HIPK1: variants seen among roughly 807,000 people sequenced by gnomAD.
HIPK1 encodes the protein homeodomain-interacting protein kinase 1.
In HIPK1, 28 loss-of-function variants were observed where a neutral mutation model predicts 117.1. That is an observed-to-expected ratio of 0.24 (90% CI 0.18 to 0.33). The LOEUF (loss-of-function observed/expected upper bound fraction) is 0.33, where lower values mean the gene tolerates loss of function less well. Among genes scored for constraint, HIPK1 ranks in the 10% least tolerant of loss-of-function variants. The pLI is 1.00. For missense variants in HIPK1, 1,122 were observed against 1,475.1 expected, an observed-to-expected ratio of 0.76 and a Z score of 3.92; for synonymous variants, 605 against 562.5, an observed-to-expected ratio of 1.08 and a Z score of -1.07.
chr1:113,941,467 G>A lies in HIPK1; in HGVS notation c.1076+8G>A, dbSNP rs1329553829. The A allele has an allele frequency of 1.9e-6, 3 of 1,601,032 alleles. No homozygotes were observed. In the African/African-American group the frequency reaches 4.0e-5, roughly 21 times the overall value. The stretch of plus-strand genomic sequence containing the variant: ...ACAGTCACGTTACTACAGGCAAGTG[G>A]CAAATGCTGAAAATCGTATCTTAGG... On this transcript the variant is annotated splice_region_variant and intron_variant, in intron 2 of 15. Coordinates refer to ENST00000426820, the MANE Select transcript of HIPK1 (RefSeq NM_198268.3). This position sits in a 1 kb window ranked among gnomAD's most constrained non-coding sequence, Gnocchi z 4.9.
At chr1:113,939,953 CT>C (rs543460905) in intron 1 of HIPK1, among the ~76,000 whole-genome samples, 2,425 of 125,158 alleles carry the variant, frequency 0.019, 36 homozygotes, top group African/African-American at 0.054. Context: ...ATCCTGGTTA[CT>C]TTTTTTTTTT....
chr1:113,955,459 G>C, intron 4 of HIPK1, 104 bp from the exon 5 acceptor site: 1 of 694,080 alleles, frequency 1.4e-6, no homozygotes, highest in Non-Finnish European at 2.5e-6. Context: ...ATCTATGGTT[G>C]GCAAGGTGAC....
intron 13 of HIPK1, among the ~76,000 whole-genome samples, chr1:113,968,968 T>C (rs1278414965): frequency 1.3e-5 from 2 of 152,058 alleles, no homozygotes; most frequent in East Asian, 3.9e-4. Flanking sequence ...TACAGTGAGC[T>C]GAGATCGTGC....
Position 113,975,021 on chromosome 1 carries a change from G to A in HIPK1, c.*1509G>A, listed in dbSNP as rs1673064160. 6.5e-6 allele frequency: 1 copy of A among 152,812 alleles called. No individual in the cohort carries two copies. Among genetic ancestry groups the A allele is most frequent in the African/African-American group, 2.4e-5 (1 of 41,462 alleles). The allele number at this position is 152,812 out of a possible 1,614,324, so 9.5% of individuals were successfully genotyped here. On this transcript the variant is annotated 3_prime_UTR_variant, in exon 16 of 16. Transcript: ENST00000426820. ...ATATTACTGTAGTGCTGAATGAGCA[G>A]GGGCATTGCCTGCAAGGAGAGGAGA...
In HIPK1 at chr1:113,973,061, G is replaced by A; in HGVS notation, c.3182G>A (p.Arg1061Lys). The A allele has an allele frequency of 5.9e-6, 9 of 1,523,674 alleles. No homozygotes were observed. Among genetic ancestry groups the A allele is most frequent in the Non-Finnish European group, 7.9e-6 (9 of 1,137,098 alleles). 94.4% of individuals were successfully genotyped at this position (1,523,674 alleles called of 1,614,324 possible). ...QSSAAPTSQE[R>K]SSNPAPRRQQ... is the part of the protein sequence containing the mutation. Reference sequence around the variant, plus strand: ...TCGGCGGCTCCAACCTCACAGGAGAGAAGCAGCAACCCAGCCCCCCGCAGG... The same window carrying A: ...TCGGCGGCTCCAACCTCACAGGAGAAAAGCAGCAACCCAGCCCCCCGCAGG... Residue 1061 changes from arginine to lysine, a missense_variant, in exon 16 of 16, where the codon AGA becomes AAA. This residue lies in a region of HIPK1 where 731 missense variants were observed against 860.4 expected (regional missense o/e 0.85). Coordinates refer to ENST00000426820, the MANE Select transcript of HIPK1 (RefSeq NM_198268.3).
rs1673062733 is a variant in HIPK1, at chr1:113,974,987, T to A, written c.*1475T>A. The A allele has an allele frequency of 2.0e-5, 3 of 152,824 alleles. No homozygotes were observed. The highest frequency in any genetic ancestry group is 1.3e-4 in the Admixed American group (2 of 15,290). The allele number at this position is 152,824 out of a possible 1,614,324, so 9.5% of individuals were successfully genotyped here. ...AATGTATGTGAACTAATTGCAATTA[T>A]ATTAGAGCATATTACTGTAGTGCTG... On this transcript the variant is annotated 3_prime_UTR_variant, in exon 16 of 16. Coordinates refer to ENST00000426820, the MANE Select transcript of HIPK1 (RefSeq NM_198268.3).
intron 1 of HIPK1, among the ~76,000 whole-genome samples, chr1:113,938,030 T>C (rs1010478957): frequency 6.6e-6 from 1 of 151,622 alleles, no homozygotes; most frequent in Non-Finnish European, 1.5e-5. Flanking sequence ...AATGGAGTAA[T>C]CACAACTCAC....
At chr1:113,971,442 A>G (rs1672815840) in intron 14 of HIPK1, among the ~76,000 whole-genome samples, 1 of 152,198 alleles carries the variant, frequency 6.6e-6, no homozygotes, top group African/African-American at 2.4e-5. Context: ...TTAATATCCT[A>G]AGAATTACCA....
At chr1:113,972,692 A>G (rs1275875103) in intron 15 of HIPK1, among the ~76,000 whole-genome samples, 1 of 152,222 alleles carries the variant, frequency 6.6e-6, no homozygotes, top group Non-Finnish European at 1.5e-5. Flanking sequence ...AAAGGCTAGG[A>G]AAAATTCAAA....
chr1:113,935,574 G>A (rs1209928304), intron 1 of HIPK1, among the ~76,000 whole-genome samples: 1 of 152,134 alleles, frequency 6.6e-6, no homozygotes, highest in Non-Finnish European at 1.5e-5. Context: ...TGGTAATTCT[G>A]TTTTAAATTC....
Position 113,957,306 on chromosome 1 carries a change from G to A in HIPK1, c.1755+20G>A. ...AATCAGGTATTCAATAAATAATTTT[G>A]GAAACTCAAGCTTAAGTGGGATAGA... On this transcript the variant is annotated intron_variant, in intron 7 of 15. Transcript: ENST00000426820. The A allele has an allele frequency of 1.3e-6, 2 of 1,590,790 alleles. No homozygotes were observed. The highest frequency in any genetic ancestry group is 2.2e-5 in the East Asian group (1 of 44,600).
At chr1:113,929,701 C>T in intron 1 of HIPK1, 169 bp downstream of exon 1, 1 of 827,200 alleles carries the variant, frequency 1.2e-6, no homozygotes, top group Non-Finnish European at 1.5e-6. Context: ...GGCGGGAGCG[C>T]GCGGGGCTGA....
At chr1:113,942,114 A>G (rs1670685896) in intron 2 of HIPK1, among the ~76,000 whole-genome samples, 1 of 150,724 alleles carries the variant, frequency 6.6e-6, no homozygotes, top group Non-Finnish European at 1.5e-5. Context: ...GCTAGAGTGC[A>G]GTGGTGTGAC....
At position 113,968,643 on chromosome 1, in the gene HIPK1, C is replaced by T; in HGVS notation, c.2766C>T (p.Pro922=). 6.2e-7 allele frequency: 1 copy of T among 1,611,860 alleles called. No individual in the cohort carries two copies. ...TDEEEDNKYK[P]SSSGLKPRSN... is the part of the protein sequence containing the mutation. ...AGGAAGAGGACAACAAATACAAGCC[C>T]AGTAGGTAAGATAAGTGAATGGTTC... Residue 922 remains proline (P), a synonymous_variant, in exon 13 of 16, where the codon CCC becomes CCT. Transcript: ENST00000426820.
intron 1 of HIPK1, 136 bp downstream of exon 1, chr1:113,929,668 C>T: frequency 1.1e-6 from 1 of 909,216 alleles, no homozygotes; most frequent in African/African-American, 1.8e-5. Flanking sequence ...CGGCGGTAGC[C>T]CCGGACGGCA....
In HIPK1 at chr1:113,973,734, A is replaced by T. The variant is rs925864428; in HGVS notation, c.*222A>T. 7.1e-6 allele frequency: 3 copies of T among 421,582 alleles called. No homozygotes were observed. The highest frequency in any genetic ancestry group is 7.5e-5 in the East Asian group (2 of 26,628). 26.1% of individuals were successfully genotyped at this position (421,582 alleles called of 1,614,324 possible). ...CAAAGTTTGCCCTATTTTTAAATTC[A>T]TTATTTTTGTGACAGTAATTTTGGT... is the stretch of plus-strand genomic sequence containing the variant. On this transcript the variant is annotated 3_prime_UTR_variant, in exon 16 of 16. Transcript: ENST00000426820.
At chr1:113,954,992 A>G (rs1671616118) in intron 4 of HIPK1, among the ~76,000 whole-genome samples, 1 of 152,236 alleles carries the variant, frequency 6.6e-6, no homozygotes, top group South Asian at 2.1e-4. Flanking sequence ...TATATGTTCA[A>G]TCCACAGCTG....
At chr1:113,959,715 T>A (rs1671970541) in intron 8 of HIPK1, among the ~76,000 whole-genome samples, 1 of 152,174 alleles carries the variant, frequency 6.6e-6, no homozygotes, top group African/African-American at 2.4e-5. Context: ...AGCTTTGAAA[T>A]TTTTCCTATC....
At chr1:113,958,041 A>G (rs994352021) in intron 7 of HIPK1, 25 bp from the exon 8 acceptor site, 11 of 1,512,350 alleles carry the variant, frequency 7.3e-6, no homozygotes, top group African/African-American at 4.1e-5. Context: ...ATACAAGTGT[A>G]CAAATATAAT....
Sources: gnomAD v4.1 joint callset for allele counts (sites outside exome capture counted in the v4.1 genomes callset) on GRCh38, gnomAD v4.1.1 for gene constraint, gnomAD v4.1.1 regional missense constraint, Gnocchi (gnomAD v3.1) non-coding constraint, MANE v1.5 for transcripts, NCBI Gene and HGNC (gene_info 2026-07-23, HGNC 2026-07-21) for gene names.